Variants in LRP1B observed in about 807,000 individuals in gnomAD.
The protein encoded by LRP1B is low-density lipoprotein receptor-related protein 1B.
Under a neutral mutation model 556.6 loss-of-function variants are expected in LRP1B, and 217 were observed. The observed-to-expected ratio is 0.39, with a 90% CI of 0.35 to 0.44. LRP1B has a LOEUF of 0.44. Ranked by LOEUF, LRP1B falls within the 20% of genes least tolerant of loss-of-function variation. LRP1B has a pLI of 1.00. For missense variants in LRP1B, 5,053 were observed against 5,620.8 expected (o/e 0.90, Z 3.23); for synonymous variants, 2,047 against 1,865.8 (o/e 1.10, Z -2.50).
chr2:141,845,361 GAAA>G (rs537426208), intron 1 of LRP1B, among the ~76,000 whole-genome samples: 1 of 151,572 alleles, frequency 6.6e-6, no homozygotes, highest in Non-Finnish European at 1.5e-5. Context: ...AGAATTCATA[GAAA>G]AAAAATGCTG....
At chr2:140,423,615 A>C (rs1685539964) in intron 66 of LRP1B, among the ~76,000 whole-genome samples, 1 of 152,078 alleles carries the variant, frequency 6.6e-6, no homozygotes, top group South Asian at 2.1e-4. Context: ...AGTATTATTT[A>C]CTCTTTGCTT....
chr2:141,440,497 G>A (rs894290294), intron 3 of LRP1B, among the ~76,000 whole-genome samples: 5 of 152,196 alleles, frequency 3.3e-5, no homozygotes, highest in African/African-American at 9.7e-5. Context: ...CAGGGTATCC[G>A]GGCAGGAAGA....
intron 41 of LRP1B, among the ~76,000 whole-genome samples, chr2:140,655,704 G>A (rs1254720937): frequency 2.0e-5 from 3 of 152,104 alleles, no homozygotes; most frequent in African/African-American, 4.8e-5. Flanking sequence ...GCACTTTGGG[G>A]GGCCGAGGCG....
rs1371156767 is a variant in LRP1B at position 140,532,946 on chromosome 2, A to ATCTATATCTATATC, written c.7762+1074_7762+1075insGATATAGATATAGA. Among the ~76,000 whole-genome samples, 272 of 114,050 alleles carry ATCTATATCTATATC rather than the reference A, an allele frequency of 2.4e-3. 4 individuals are homozygous for ATCTATATCTATATC. Among genetic ancestry groups the ATCTATATCTATATC allele is most frequent in the Middle Eastern group, 0.012 (3 of 250 alleles). The allele number at this position is 114,050 out of a possible 152,430, so 74.8% of individuals were successfully genotyped here. On this transcript the variant is annotated intron_variant, in intron 47 of 90. Transcript: ENST00000389484. ...CAGCACAAGATATATATATATATAT[A>ATCTATATCTATATC]TACACATATATATCTCGATCTGTTT...
intron 1 of LRP1B, among the ~76,000 whole-genome samples, chr2:142,012,253 T>C (rs1030783938): frequency 4.6e-5 from 7 of 152,260 alleles, no homozygotes; most frequent in Non-Finnish European, 1.0e-4. Flanking sequence ...AAGTCAAACA[T>C]TCATATGGAA....
At chr2:140,396,327 A>C (rs1424826401) in intron 66 of LRP1B, among the ~76,000 whole-genome samples, 1 of 152,196 alleles carries the variant, frequency 6.6e-6, no homozygotes, top group Non-Finnish European at 1.5e-5. Context: ...ATCTACTAAA[A>C]TATCTTAAAA....
intron 2 of LRP1B, among the ~76,000 whole-genome samples, chr2:141,501,833 A>G (rs1683723531): frequency 6.6e-6 from 1 of 152,190 alleles, no homozygotes; most frequent in Non-Finnish European, 1.5e-5. Flanking sequence ...AGAAATTGCT[A>G]TAGAACTGAT....
At chr2:140,687,104 G>A (rs1225389041) in intron 41 of LRP1B, among the ~76,000 whole-genome samples, 1 of 152,086 alleles carries the variant, frequency 6.6e-6, no homozygotes, top group Non-Finnish European at 1.5e-5. Context: ...CAAGGACGTT[G>A]GGTAGAGCAG....
At chr2:140,544,901 G>A (rs1680270602) in intron 43 of LRP1B, among the ~76,000 whole-genome samples, 1 of 151,926 alleles carries the variant, frequency 6.6e-6, no homozygotes, top group South Asian at 2.1e-4. Flanking sequence ...TCATCACACT[G>A]TTTTCCACAA....
chr2:141,123,216 A>G (rs1701108784), intron 7 of LRP1B, among the ~76,000 whole-genome samples: 1 of 150,068 alleles, frequency 6.7e-6, no homozygotes, highest in Non-Finnish European at 1.5e-5. Context: ...CATTGTACAC[A>G]TGTACCCTAG....
At chr2:141,150,784 C>A (rs1356845484) in intron 7 of LRP1B, among the ~76,000 whole-genome samples, 1 of 151,770 alleles carries the variant, frequency 6.6e-6, no homozygotes, top group Non-Finnish European at 1.5e-5. Context: ...TGCCTTCCAA[C>A]AGTGAAATAC....
intron 7 of LRP1B, among the ~76,000 whole-genome samples, chr2:141,172,313 G>A (rs376473545): frequency 9.2e-5 from 14 of 152,104 alleles, no homozygotes; most frequent in East Asian, 5.8e-4. Flanking sequence ...AACATGAACC[G>A]TCAGAATAAT....
intron 4 of LRP1B, 32 bp downstream of exon 4, chr2:141,254,490 C>G (rs767315137): frequency 3.1e-6 from 5 of 1,608,268 alleles, no homozygotes; most frequent in South Asian, 2.2e-5. Flanking sequence ...CCTCTATAAA[C>G]AAAATTTGAT....
chr2:141,025,308 A>C lies in LRP1B; in HGVS notation c.1790-5206T>G, dbSNP rs1050261134. Among the ~76,000 whole-genome samples the C allele has an allele frequency of 2.6e-5, 4 of 152,044 alleles. No homozygotes were observed. The South Asian group carries it at 8.3e-4, about 32-fold the overall frequency. On this transcript the variant is annotated intron_variant, in intron 11 of 90. Coordinates refer to ENST00000389484, the MANE Select transcript of LRP1B (RefSeq NM_018557.3). ...CACAAATAATAATTTCTGGATTCCA[A>C]GCTATTGTTCTTATGGGAATTCTGC...
At chr2:141,149,426 A>C (rs974472517) in intron 7 of LRP1B, among the ~76,000 whole-genome samples, 4 of 152,220 alleles carry the variant, frequency 2.6e-5, no homozygotes, top group African/African-American at 7.2e-5. Context: ...ACCCACCTGC[A>C]TAAAGCAGAA....
intron 2 of LRP1B, among the ~76,000 whole-genome samples, chr2:141,537,359 G>A (rs1685100939): frequency 6.6e-6 from 1 of 152,038 alleles, no homozygotes; most frequent in Non-Finnish European, 1.5e-5. Flanking sequence ...AGCTATGCAA[G>A]TAATTTATTT....
intron 1 of LRP1B, among the ~76,000 whole-genome samples, chr2:141,861,748 G>A (rs1006786580): frequency 6.6e-6 from 1 of 152,086 alleles, no homozygotes; most frequent in Non-Finnish European, 1.5e-5. Context: ...TGGCCAACAT[G>A]GTGAATCTCC....
intron 1 of LRP1B, among the ~76,000 whole-genome samples, chr2:141,850,985 A>G (rs926728354): frequency 1.3e-5 from 2 of 151,768 alleles, no homozygotes; most frequent in Non-Finnish European, 2.9e-5. Flanking sequence ...CAGCCTTCCC[A>G]TAAAATATTA....
chr2:140,725,370 T>A (rs1423328097), intron 35 of LRP1B, among the ~76,000 whole-genome samples: 1 of 151,962 alleles, frequency 6.6e-6, no homozygotes, highest in Non-Finnish European at 1.5e-5. Context: ...CCCATATTGA[T>A]ATATAAAATC....
Sources: gnomAD v4.1 joint callset for allele counts (sites outside exome capture counted in the v4.1 genomes callset) on GRCh38, gnomAD v4.1.1 for gene constraint, MANE v1.5 for transcripts, NCBI Gene and HGNC (gene_info 2026-07-23, HGNC 2026-07-21) for gene names.